HSPH1: variants seen among roughly 807,000 people sequenced by gnomAD.
The protein encoded by HSPH1 is heat shock protein family H (Hsp110) member 1, also known as heat shock protein 105 kDa.
Under a neutral mutation model 100.0 loss-of-function variants are expected in HSPH1, and 40 were observed. That is an observed-to-expected ratio of 0.40 (90% CI 0.31 to 0.52). HSPH1 has a LOEUF of 0.52. Ranked by LOEUF, HSPH1 falls within the 20% of genes least tolerant of loss-of-function variation. HSPH1 has a pLI of 0.54. For synonymous variants in HSPH1, 403 were observed against 344.0 expected (o/e 1.17, Z -1.90); for missense variants, 876 against 1,015.1 (o/e 0.86, Z 1.86).
intron 12 of HSPH1, among the ~76,000 whole-genome samples, chr13:31,142,097 G>C (rs980733052): frequency 2.0e-5 from 3 of 152,076 alleles, no homozygotes; most frequent in Admixed American, 1.3e-4. Context: ...TCAGTTGTAT[G>C]ACAGATCAGA....
chr13:31,157,895 A>T (rs1233252274), intron 2 of HSPH1, among the ~76,000 whole-genome samples: 1 of 151,618 alleles, frequency 6.6e-6, no homozygotes, highest in Non-Finnish European at 1.5e-5. Flanking sequence ...TTCAATAAGT[A>T]GTCAACAGAA....
At chr13:31,146,801 T>C (rs117952418) in intron 10 of HSPH1, among the ~76,000 whole-genome samples, 2 of 152,306 alleles carry the variant, frequency 1.3e-5, no homozygotes, top group Non-Finnish European at 2.9e-5. Flanking sequence ...GTGTAAGTTA[T>C]AGCCACAAGT....
intron 9 of HSPH1, 112 bp downstream of exon 9, chr13:31,148,262 G>A (rs1956341774): frequency 1.0e-6 from 1 of 996,214 alleles, no homozygotes; most frequent in Non-Finnish European, 1.5e-6. Context: ...AAGATTCCAG[G>A]TAAATTAATG....
In HSPH1 at chr13:31,161,594, G is replaced by T. The variant is rs763408670; in HGVS notation, c.-12C>A. On this transcript the variant is annotated 5_prime_UTR_variant, in exon 1 of 18. Coordinates refer to ENST00000320027, the MANE Select transcript of HSPH1 (RefSeq NM_006644.4). Reference sequence around the variant, plus strand: ...CCCACCACCGACATGGCCGGCTCGCGGTCCGCCTCCGCCTCGGGTCTCGGT... The same window carrying T: ...CCCACCACCGACATGGCCGGCTCGCTGTCCGCCTCCGCCTCGGGTCTCGGT... 1.9e-6 allele frequency: 3 copies of T among 1,611,808 alleles called. No homozygotes were observed. Among genetic ancestry groups the T allele is most frequent in the Non-Finnish European group, 2.5e-6 (3 of 1,179,456 alleles).
intron 12 of HSPH1, among the ~76,000 whole-genome samples, chr13:31,142,735 C>A (rs1033664971): frequency 6.6e-6 from 1 of 152,122 alleles, no homozygotes; most frequent in African/African-American, 2.4e-5. Flanking sequence ...CTACCTACAA[C>A]TAAGGAGCAT....
In HSPH1 at chr13:31,147,925, TAA is replaced by T. The variant is rs1491429583; in HGVS notation, c.1378+32_1378+33del. ...ATGAGTGAGAAGCTAAGTCTTTAAC[TAA>T]AAGAGTAAAATATACACAATGAACT... is the stretch of plus-strand genomic sequence containing the variant. On this transcript the variant is annotated intron_variant, in intron 10 of 17. Coordinates refer to ENST00000320027, the MANE Select transcript of HSPH1 (RefSeq NM_006644.4). 45 of 1,538,084 alleles carry T rather than the reference TAA, an allele frequency of 2.9e-5. No homozygotes were observed. In the East Asian group the frequency reaches 7.2e-4, roughly 25 times the overall value.
chr13:31,154,843 C>T, intron 3 of HSPH1, 88 bp from the exon 4 acceptor site: 1 of 1,096,294 alleles, frequency 9.1e-7, no homozygotes, highest in South Asian at 1.6e-5. Context: ...CACACATTCC[C>T]TTCCACAAAA....
rs750372283 is a variant in HSPH1 at position 31,150,049 on chromosome 13, G to A, written c.1042C>T (p.Pro348Ser). The part of the protein sequence containing the change: ...VEIVGGATRI[P>S]AVKERIAKFF... Reference sequence around the variant, plus strand: ...TTGGCAATTCTTTCCTTCACAGCTGGAATTCGTGTAGCGCCTCCAACAATC... The same window carrying A: ...TTGGCAATTCTTTCCTTCACAGCTGAAATTCGTGTAGCGCCTCCAACAATC... The change falls in exon 8 of 18, where the codon CCA (proline) becomes TCA (serine). Residue 348 changes from proline to serine, a missense_variant. Transcript: ENST00000320027. 1.9e-6 allele frequency: 3 copies of A among 1,613,838 alleles called. No homozygotes were observed. Among genetic ancestry groups the A allele is most frequent in the Admixed American group, 3.3e-5 (2 of 59,980 alleles).
chr13:31,148,858 A>C (rs1956373641), intron 8 of HSPH1, among the ~76,000 whole-genome samples: 1 of 152,028 alleles, frequency 6.6e-6, no homozygotes, highest in Non-Finnish European at 1.5e-5. Flanking sequence ...CTGCTTTCCA[A>C]ATGTCTGAGA....
Position 31,137,288 on chromosome 13 carries a change from A to G in HSPH1, c.*30T>C. The G allele has an allele frequency of 4.6e-6, 6 of 1,313,862 alleles. No individual in the cohort carries two copies. Among genetic ancestry groups the G allele is most frequent in the Non-Finnish European group, 6.5e-6 (6 of 924,062 alleles). 81.4% of individuals were successfully genotyped at this position (1,313,862 alleles called of 1,614,324 possible). On this transcript the variant is annotated 3_prime_UTR_variant, in exon 18 of 18. Transcript: ENST00000320027. ...CATACTATGGCAAAAATATTTTATT[A>G]ATTGAAGGAATAGGCCAATTTAAGG...
intron 1 of HSPH1, 44 bp from the exon 2 acceptor site, chr13:31,158,907 G>T: frequency 8.2e-7 from 1 of 1,223,276 alleles, no homozygotes; most frequent in Non-Finnish European, 1.2e-6. Flanking sequence ...CATAAAGGTT[G>T]ATATTTTAAA....
upstream of HSPH1, chr13:31,162,196 AGAATGACTCCAAAACTCG>A (rs1956949869): frequency 3.9e-6 from 4 of 1,033,192 alleles, no homozygotes; most frequent in African/African-American, 6.4e-5. Flanking sequence ...CAGGCAACGA[AGAATGACTCCAAAACTCG>A]GAATAGTCAC....
At chr13:31,157,059 A>G (rs1463531266) in intron 2 of HSPH1, among the ~76,000 whole-genome samples, 1 of 152,328 alleles carries the variant, frequency 6.6e-6, no homozygotes, top group African/African-American at 2.4e-5. Flanking sequence ...TCTCTTACCT[A>G]ATTTTTTGAA....
chr13:31,151,181 G>A lies in HSPH1; in HGVS notation c.674C>T (p.Thr225Ile), dbSNP rs1367577048. Residue 225 changes from threonine to isoleucine, a missense_variant, in exon 7 of 18, where the codon ACA becomes ATA. By Grantham distance (89) the Thr-to-Ile change is moderately conservative. Coordinates refer to ENST00000320027, the MANE Select transcript of HSPH1 (RefSeq NM_006644.4). The part of the protein sequence containing the change: ...FNKGKLKVLG[T>I]AFDPFLGGKN... ...TCCTCCTAAGAAAGGATCAAAAGCT[G>A]TTCCCAGTACCTAATTTGGTTGAAA... is the stretch of plus-strand genomic sequence containing the variant. The A allele has an allele frequency of 1.2e-6, 2 of 1,608,788 alleles. No individual in the cohort carries two copies. Among genetic ancestry groups the A allele is most frequent in the Non-Finnish European group, 1.7e-6 (2 of 1,177,092 alleles).
rs1270920678 is a variant in HSPH1, at chr13:31,158,878, A to G, written c.108-15T>C. On this transcript the variant is annotated splice_polypyrimidine_tract_variant and intron_variant, in intron 1 of 17. Transcript: ENST00000320027. ...ATATGACTGACCTAGAAAAAAATAT[A>G]TTCCAAAAAATTAAAAAGCATAAAG... is the stretch of plus-strand genomic sequence containing the variant. The G allele has an allele frequency of 6.8e-7, 1 of 1,470,444 alleles. No individual in the cohort carries two copies. Among genetic ancestry groups the G allele is most frequent in the Non-Finnish European group, 9.5e-7 (1 of 1,050,096 alleles). The allele number at this position is 1,470,444 out of a possible 1,614,324, so 91.1% of individuals were successfully genotyped here. A position where few individuals can be genotyped will look rare whatever the true frequency, so the allele number is the denominator to read the frequency against.
intron 8 of HSPH1, 130 bp from the exon 9 acceptor site, chr13:31,148,610 G>C: frequency 2.1e-6 from 1 of 471,004 alleles, no homozygotes; most frequent in Non-Finnish European, 3.6e-6. Context: ...TTCCAGAATT[G>C]TTTCCAGTAT....
chr13:31,162,310 C>A, upstream of HSPH1: 1 of 592,382 alleles, frequency 1.7e-6, no homozygotes, highest in Non-Finnish European at 3.0e-6. Flanking sequence ...TGCAGAGACC[C>A]CAGACACCGG....
At chr13:31,148,502 C>G (rs777018188) in intron 8 of HSPH1, 22 bp from the exon 9 acceptor site, 5 of 841,264 alleles carry the variant, frequency 5.9e-6, no homozygotes, top group African/African-American at 5.9e-5. Flanking sequence ...AAAAAAAAAT[C>G]ATGAGCACAT....
At chr13:31,143,979 T>G in intron 11 of HSPH1, 56 bp from the exon 12 acceptor site, 1 of 1,417,034 alleles carries the variant, frequency 7.1e-7, no homozygotes, top group Non-Finnish European at 9.3e-7. Flanking sequence ...TTGTATAAAT[T>G]TTTAAAGTTA....
Sources: allele counts gnomAD v4.1 joint callset (sites outside exome capture counted in the v4.1 genomes callset), GRCh38; gene constraint gnomAD v4.1.1; transcripts MANE v1.5; gene names NCBI Gene and HGNC (gene_info 2026-07-23, HGNC 2026-07-21).